The following ADGRD1 variants were observed in gnomAD, a reference collection of about 807,000 sequenced individuals.
The protein encoded by ADGRD1 is G-protein coupled receptor 133.
In ADGRD1, 77 loss-of-function variants were observed where a neutral mutation model predicts 113.4. The ratio of observed to expected loss-of-function variants is 0.68; its 90% CI spans 0.57 to 0.82. The LOEUF is 0.82. ADGRD1 is among the 40% of genes least tolerant of loss of function. The pLI is 0.00. For missense variants in ADGRD1, 1,036 were observed against 1,139.1 expected (o/e 0.91, Z 1.30); for synonymous variants, 474 against 475.0 (o/e 1.00, Z 0.03).
At chr12:131,100,350 C>T (rs552635067) in intron 15 of ADGRD1, among the ~76,000 whole-genome samples, 123 of 142,510 alleles carry the variant, frequency 8.6e-4, no homozygotes, top group African/African-American at 2.8e-3. Context: ...GGTTCATGGT[C>T]GGTTTGGTTG....
At chr12:130,978,169 C>T (rs1872547665) in intron 4 of ADGRD1, 1 of 152,184 alleles carries the variant, frequency 6.6e-6, no homozygotes, top group Admixed American at 6.5e-5. Context: ...GCCGTGGTCT[C>T]TACATATGAA....
At position 131,003,563 on chromosome 12, in the gene ADGRD1, C is replaced by T. The variant is rs1876674186; in HGVS notation, c.1144+261C>T. Among the ~76,000 whole-genome samples the T allele has an allele frequency of 6.6e-6, 1 of 152,154 alleles. No individual in the cohort carries two copies. On this transcript the variant is annotated intron_variant, in intron 10 of 24. Transcript: ENST00000261654. This position sits in a 1 kb window ranked among gnomAD's most constrained non-coding sequence, Gnocchi z 4.8. ...CTGCCCTGGGATGATGGTCTCGGTT[C>T]AGAGCAGGAGGCAGAAGCAGCAGTG...
intron 20 of ADGRD1, among the ~76,000 whole-genome samples, chr12:131,123,394 C>T (rs1245526111): frequency 2.6e-5 from 4 of 151,886 alleles, no homozygotes; most frequent in East Asian, 2.0e-4. Context: ...CCTGAAGTTT[C>T]GGCTTGTTGG....
intron 13 of ADGRD1, among the ~76,000 whole-genome samples, chr12:131,046,715 T>C (rs1394487531): frequency 8.1e-6 from 1 of 122,720 alleles, no homozygotes; most frequent in African/African-American, 3.2e-5. Flanking sequence ...TGGTGAGTGC[T>C]CCCTCCCTGG....
At chr12:131,044,692 C>T (rs756773990) in intron 13 of ADGRD1, among the ~76,000 whole-genome samples, 2 of 152,180 alleles carry the variant, frequency 1.3e-5, no homozygotes, top group Non-Finnish European at 2.9e-5. Flanking sequence ...GATTTCCCCT[C>T]GTGTTTAGAT....
chr12:131,033,827 C>T (rs755375743), intron 13 of ADGRD1, among the ~76,000 whole-genome samples: 9 of 152,262 alleles, frequency 5.9e-5, no homozygotes, highest in South Asian at 2.1e-4. Flanking sequence ...CTTCCCTGAG[C>T]CGCGTGGGTG....
chr12:131,089,857 G>T (rs898946231), intron 15 of ADGRD1, among the ~76,000 whole-genome samples: 1 of 152,254 alleles, frequency 6.6e-6, no homozygotes, highest in African/African-American at 2.4e-5. Context: ...GAATGTTGGG[G>T]TTGTGCCCAT....
intron 13 of ADGRD1, among the ~76,000 whole-genome samples, chr12:131,015,759 G>T (rs544526707): frequency 3.9e-5 from 6 of 152,102 alleles, no homozygotes; most frequent in Non-Finnish European, 8.8e-5. Flanking sequence ...TGCTTCCTCC[G>T]CCCCTCCCGG....
chr12:131,101,687 T>C (rs1017745859), intron 15 of ADGRD1, among the ~76,000 whole-genome samples: 1 of 152,106 alleles, frequency 6.6e-6, no homozygotes, highest in African/African-American at 2.4e-5. Context: ...CTGGCCTCCA[T>C]TGGTTTTTAA....
rs780690925 is a variant in ADGRD1, at chr12:131,118,389, T to G, written c.2046T>G (p.Phe682Leu). 14 of 1,609,076 alleles carry G rather than the reference T, an allele frequency of 8.7e-6. No homozygotes were observed. Among genetic ancestry groups the G allele is most frequent in the Non-Finnish European group, 1.0e-5 (12 of 1,178,150 alleles). The stretch of plus-strand genomic sequence containing the variant: ...ATATTCTCCAATCTTCTGCAGGTTT[T>G]CCTCTTCTGATCTGCATCATTTCAC... ...HRYYYGMGWG[F>L]PLLICIISLS... The change falls in exon 19 of 25, where the codon TTT becomes TTG. Residue 682 changes from phenylalanine (F) to leucine (L), a missense_variant. Phe to Leu is a conservative substitution (Grantham distance 22). Coordinates refer to ENST00000261654, the MANE Select transcript of ADGRD1 (RefSeq NM_198827.5).
intron 12 of ADGRD1, 35 bp downstream of exon 12, chr12:131,006,082 G>A: frequency 1.9e-6 from 3 of 1,578,766 alleles, no homozygotes; most frequent in Non-Finnish European, 2.6e-6. Context: ...AGGGGCGTGG[G>A]TGTGCGTGGG....
In ADGRD1 at chr12:130,971,963, T is replaced by TTAACA. The variant is rs1222913741; in HGVS notation, c.310+384_310+385insAACAT. 6.6e-6 allele frequency among the ~76,000 whole-genome samples: 1 copy of TTAACA among 152,206 alleles called. No individual in the cohort carries two copies. The highest frequency in any genetic ancestry group is 2.4e-5 in the African/African-American group (1 of 41,456). ...CAGTGTGATTTCTGGCTCTGGGATG[T>TTAACA]TGACGGTGAGCGGGCAGGGCATACC... On this transcript the variant is annotated intron_variant, in intron 4 of 24. Transcript: ENST00000261654. The surrounding 1 kb of genome is among the most constrained non-coding windows in gnomAD (Gnocchi z 4.2).
rs184059381 is a variant in ADGRD1 at position 131,119,412 on chromosome 12, G to A, written c.2108+961G>A. 1.3e-3 allele frequency among the ~76,000 whole-genome samples: 197 copies of A among 152,338 alleles called. 1 individual carries two copies. The highest frequency in any genetic ancestry group is 4.6e-3 in the African/African-American group (190 of 41,580). On this transcript the variant is annotated intron_variant, in intron 19 of 24. Coordinates refer to ENST00000261654, the MANE Select transcript of ADGRD1 (RefSeq NM_198827.5). The stretch of plus-strand genomic sequence containing the variant: ...TTCATTCTGGATGCTGTTAGAAGTT[G>A]AGGGACTAATTAGAAGAAGAATGTT...
intron 13 of ADGRD1, among the ~76,000 whole-genome samples, chr12:131,068,335 T>C (rs924917968): frequency 6.6e-6 from 1 of 152,196 alleles, no homozygotes; most frequent in East Asian, 1.9e-4. Flanking sequence ...TTTTTTTCTC[T>C]GCCTCTGGCC....
intron 13 of ADGRD1, among the ~76,000 whole-genome samples, chr12:131,040,706 G>T (rs1372453721): frequency 2.0e-5 from 3 of 152,222 alleles, no homozygotes; most frequent in African/African-American, 7.2e-5. Context: ...GTAAGACAGG[G>T]ATAGAACAAC....
intron 20 of ADGRD1, 125 bp downstream of exon 20, chr12:131,121,038 G>T: frequency 1.2e-6 from 1 of 800,456 alleles, no homozygotes; most frequent in Non-Finnish European, 2.0e-6. Flanking sequence ...TCGTTCCTCG[G>T]TCACTCCTCG....
intron 8 of ADGRD1, chr12:130,994,172 G>A (rs1350647830): frequency 5.0e-6 from 2 of 398,572 alleles, no homozygotes; most frequent in South Asian, 1.8e-5. Context: ...CCCGCGGGGT[G>A]TTGGGTGGAA....
rs564348111 is a variant in ADGRD1, at chr12:130,965,595, A to T, written c.104-868A>T. ...CGCCACCTGTACGAATAAGGATGGAAGCTATTGATTGTTCATTAACAGAAG... is the reference window on the plus strand; with the variant it reads ...CGCCACCTGTACGAATAAGGATGGATGCTATTGATTGTTCATTAACAGAAG... On this transcript the variant is annotated intron_variant, in intron 2 of 24. Transcript: ENST00000261654. This position sits in a 1 kb window ranked among gnomAD's most constrained non-coding sequence, Gnocchi z 4.8. Among the ~76,000 whole-genome samples the T allele has an allele frequency of 3.9e-5, 6 of 152,284 alleles. No homozygotes were observed. The South Asian group carries it at 1.2e-3, about 32-fold the overall frequency.
intron 2 of ADGRD1, among the ~76,000 whole-genome samples, chr12:130,958,202 CCTTT>C (rs1179493231): frequency 1.5e-5 from 1 of 65,088 alleles, no homozygotes; most frequent in Non-Finnish European, 2.9e-5. Context: ...CCTATCCAAT[CCTTT>C]CTTTTTTTTT....
Sources: gnomAD v4.1 joint callset for allele counts (sites outside exome capture counted in the v4.1 genomes callset) on GRCh38, gnomAD v4.1.1 for gene constraint, Gnocchi (gnomAD v3.1) non-coding constraint, MANE v1.5 for transcripts, NCBI Gene and HGNC (gene_info 2026-07-23, HGNC 2026-07-21) for gene names.